The following CTNND2 variants were observed in gnomAD, a reference collection of about 807,000 sequenced individuals.
The protein encoded by CTNND2 is catenin delta 2.
In CTNND2, 22 loss-of-function variants were observed where a neutral mutation model predicts 144.4. The observed-to-expected ratio is 0.15, with a 90% CI of 0.11 to 0.22. CTNND2 has a LOEUF of 0.22. CTNND2 is among the 10% of genes least tolerant of loss of function. CTNND2 has a pLI of 1.00. For synonymous variants in CTNND2, 751 were observed against 695.6 expected (o/e 1.08, Z -1.25); for missense variants, 1,353 against 1,618.8 (o/e 0.84, Z 2.82).
At chr5:10,999,142 AAAT>A (rs1427541189) in intron 18 of CTNND2, among the ~76,000 whole-genome samples, 1 of 152,200 alleles carries the variant, frequency 6.6e-6, no homozygotes, top group Non-Finnish European at 1.5e-5. Flanking sequence ...TTCACTTTTT[AAAT>A]AAGAAGGGAA....
At chr5:11,707,439 C>T (rs979822318) in intron 2 of CTNND2, among the ~76,000 whole-genome samples, 4 of 152,168 alleles carry the variant, frequency 2.6e-5, no homozygotes, top group Non-Finnish European at 4.4e-5. Context: ...CCTTCTTTTT[C>T]TCATGCAAGT....
chr5:11,293,408 A>G (rs1164012403), intron 9 of CTNND2, among the ~76,000 whole-genome samples: 1 of 152,196 alleles, frequency 6.6e-6, no homozygotes, highest in Non-Finnish European at 1.5e-5. Flanking sequence ...GTTCACAAAA[A>G]GATATCCAAG....
At chr5:11,379,654 G>C (rs1233327464) in intron 7 of CTNND2, among the ~76,000 whole-genome samples, 2 of 152,126 alleles carry the variant, frequency 1.3e-5, no homozygotes, top group African/African-American at 4.8e-5. Context: ...ATTTATAAGT[G>C]ATAATTTTTG....
chr5:11,498,774 A>T (rs1054537458), intron 3 of CTNND2, among the ~76,000 whole-genome samples: 2 of 152,166 alleles, frequency 1.3e-5, no homozygotes, highest in Non-Finnish European at 2.9e-5. Flanking sequence ...CTTAAAACAA[A>T]TTTTTTAAAG....
intron 1 of CTNND2, among the ~76,000 whole-genome samples, chr5:11,847,565 C>T (rs908489745): frequency 6.6e-6 from 1 of 151,948 alleles, no homozygotes; most frequent in Non-Finnish European, 1.5e-5. Flanking sequence ...TGTTCTGTTG[C>T]ACAGTAGGGT....
chr5:11,817,410 GGA>G (rs1157713122), intron 1 of CTNND2, among the ~76,000 whole-genome samples: 2 of 22,352 alleles, frequency 8.9e-5, no homozygotes, highest in African/African-American at 4.8e-4. Flanking sequence ...GAGAGAGGAG[GGA>G]GAGAGAGAGA....
intron 16 of CTNND2, among the ~76,000 whole-genome samples, chr5:11,055,583 T>C (rs1746273311): frequency 1.3e-5 from 2 of 152,242 alleles, no homozygotes; most frequent in South Asian, 4.1e-4. Flanking sequence ...ACCTTGTCTT[T>C]TCTCCTGTTA....
chr5:11,084,317 T>A (rs951374056), intron 15 of CTNND2, among the ~76,000 whole-genome samples: 8 of 152,158 alleles, frequency 5.3e-5, no homozygotes, highest in Admixed American at 4.6e-4. Flanking sequence ...CCAATTTCCA[T>A]CGATGCATTT....
intron 11 of CTNND2, among the ~76,000 whole-genome samples, chr5:11,190,273 G>A (rs1478577672): frequency 2.6e-5 from 4 of 152,232 alleles, no homozygotes; most frequent in Non-Finnish European, 4.4e-5. Flanking sequence ...TCCCCTGAGA[G>A]GTAGAGGAAC....
chr5:11,328,753 A>T (rs58708770), intron 9 of CTNND2, among the ~76,000 whole-genome samples: 14,670 of 152,134 alleles, frequency 0.096, 1,260 homozygotes, highest in African/African-American at 0.23. Context: ...GCGAAGTCCC[A>T]CTTCAGCTGA....
intron 5 of CTNND2, among the ~76,000 whole-genome samples, chr5:11,403,256 T>C (rs1464994743): frequency 1.3e-5 from 2 of 152,120 alleles, no homozygotes; most frequent in Non-Finnish European, 2.9e-5. Flanking sequence ...CCTGTGTCCA[T>C]GGGTTCTCAT....
At chr5:11,744,745 TTTA>T (rs919103728) in intron 1 of CTNND2, among the ~76,000 whole-genome samples, 3 of 151,758 alleles carry the variant, frequency 2.0e-5, no homozygotes, top group African/African-American at 7.3e-5. Context: ...ATTTTATTAT[TTTA>T]TTATTATTAT....
At chr5:11,668,026 T>C (rs930279847) in intron 2 of CTNND2, among the ~76,000 whole-genome samples, 6 of 152,252 alleles carry the variant, frequency 3.9e-5, no homozygotes, top group African/African-American at 1.4e-4. Flanking sequence ...TAGGGAATCC[T>C]TTCCCCATTG....
At chr5:11,251,053 T>A (rs1323428752) in intron 9 of CTNND2, among the ~76,000 whole-genome samples, 1 of 152,232 alleles carries the variant, frequency 6.6e-6, no homozygotes, top group Non-Finnish European at 1.5e-5. Flanking sequence ...CTTGGGTCTT[T>A]AAGAATGTTG....
intron 2 of CTNND2, among the ~76,000 whole-genome samples, chr5:11,649,631 T>C (rs1248670568): frequency 6.6e-6 from 1 of 152,212 alleles, no homozygotes; most frequent in Non-Finnish European, 1.5e-5. Flanking sequence ...AAACAAACTC[T>C]TGATGAGATT....
chr5:11,598,362 C>T (rs144876373), intron 2 of CTNND2, among the ~76,000 whole-genome samples: 1 of 152,288 alleles, frequency 6.6e-6, no homozygotes, highest in Non-Finnish European at 1.5e-5. Context: ...ATTCCAGCTT[C>T]CTCAGAATCA....
At position 11,124,924 on chromosome 5, in the gene CTNND2, C is replaced by A. The variant is rs186086304; in HGVS notation, c.2160-7357G>T. 3.3e-5 allele frequency among the ~76,000 whole-genome samples: 5 copies of A among 152,308 alleles called. No individual in the cohort carries two copies. The East Asian group carries it at 9.7e-4, about 29-fold the overall frequency. On this transcript the variant is annotated intron_variant, in intron 12 of 21. Coordinates refer to ENST00000304623, the MANE Select transcript of CTNND2 (RefSeq NM_001332.4). Reference sequence around the variant, plus strand: ...TCACCAAAATAAGTGGTTTGAGCAGCCCCTGCTTGGAGCAGCACGCTGCTC... The same window carrying A: ...TCACCAAAATAAGTGGTTTGAGCAGACCCTGCTTGGAGCAGCACGCTGCTC...
intron 12 of CTNND2, among the ~76,000 whole-genome samples, chr5:11,150,377 G>C (rs1395622461): frequency 1.3e-5 from 2 of 152,338 alleles, no homozygotes; most frequent in African/African-American, 4.8e-5. Context: ...GGGGGCCAGA[G>C]AGCATAGAAT....
chr5:11,792,494 AAT>A (rs1304232612), intron 1 of CTNND2, among the ~76,000 whole-genome samples: 11 of 152,296 alleles, frequency 7.2e-5, no homozygotes, highest in African/African-American at 2.6e-4. Flanking sequence ...ATGGTCTGCA[AAT>A]ATAAGAAAGA....
Sources: gnomAD v4.1 joint callset for allele counts (sites outside exome capture counted in the v4.1 genomes callset) on GRCh38, gnomAD v4.1.1 for gene constraint, MANE v1.5 for transcripts, NCBI Gene and HGNC (gene_info 2026-07-23, HGNC 2026-07-21) for gene names.